Variants in HERC1 observed in about 807,000 individuals in gnomAD.
The protein encoded by HERC1 is HECT and RLD domain containing E3 ubiquitin protein ligase family member 1.
A neutral mutation model predicts 554.3 loss-of-function variants in HERC1; 160 were observed. The observed-to-expected ratio is 0.29, with a 90% CI of 0.25 to 0.33. HERC1 has a LOEUF of 0.33. HERC1 is among the 10% of genes least tolerant of loss of function. The pLI, the probability that HERC1 is intolerant of heterozygous loss-of-function variation, is 1.00. For synonymous variants in HERC1, 2,175 were observed against 2,131.7 expected (o/e 1.02, Z -0.56); for missense variants, 4,919 against 5,918.5 (o/e 0.83, Z 5.54).
chr15:63,677,663 A>C lies in HERC1; in HGVS notation c.7070+182T>G, dbSNP rs549056002. On this transcript the variant is annotated intron_variant, in intron 37 of 77. Transcript: ENST00000443617. This position sits in a 1 kb window ranked among gnomAD's most constrained non-coding sequence, Gnocchi z 4.4. The stretch of plus-strand genomic sequence containing the variant: ...TTTAAAACCCACTAGTATTTCAAAG[A>C]ACATGGGTTTAGGAAATTCTCCTTT... Among the ~76,000 whole-genome samples, 25 of 152,376 alleles carry C rather than the reference A, an allele frequency of 1.6e-4. No homozygotes were observed. Among genetic ancestry groups the C allele is most frequent in the African/African-American group, 5.8e-4 (24 of 41,584 alleles).
At chr15:63,622,613 G>GTT (rs2068130850) in intron 74 of HERC1, among the ~76,000 whole-genome samples, 2 of 152,248 alleles carry the variant, frequency 1.3e-5, no homozygotes, top group African/African-American at 4.8e-5. Flanking sequence ...AATTACAGGC[G>GTT]TAAGCCACCA....
intron 2 of HERC1, among the ~76,000 whole-genome samples, chr15:63,771,080 T>TA (rs2075939290): frequency 6.6e-6 from 1 of 151,552 alleles, no homozygotes; most frequent in African/African-American, 2.4e-5. Flanking sequence ...ACCCAGCTAC[T>TA]GGGGAGGCTG....
intron 47 of HERC1, among the ~76,000 whole-genome samples, chr15:63,659,414 C>G (rs1009827970): frequency 6.6e-6 from 1 of 152,014 alleles, no homozygotes; most frequent in African/African-American, 2.4e-5. Context: ...ACCCACCCAG[C>G]TACTTTTCTT....
chr15:63,813,667 T>C (rs1175314875), intron 1 of HERC1, among the ~76,000 whole-genome samples: 1 of 152,308 alleles, frequency 6.6e-6, no homozygotes, highest in Middle Eastern at 3.4e-3. Context: ...AAACTATCCA[T>C]CCCAGTTTGC....
chr15:63,680,279 A>G lies in HERC1; in HGVS notation c.6466-119T>C, dbSNP rs2071411059. On this transcript the variant is annotated intron_variant, in intron 35 of 77. Coordinates refer to ENST00000443617, the MANE Select transcript of HERC1 (RefSeq NM_003922.4). The surrounding 1 kb of genome is among the most constrained non-coding windows in gnomAD (Gnocchi z 5.8). ...GACAGAACAAAAGTTACTAGATCAA[A>G]TTCTCAATTAACCTTGCTAACCGAG... 1 of 792,306 alleles carries G rather than the reference A, an allele frequency of 1.3e-6. No homozygotes were observed. Among genetic ancestry groups the G allele is most frequent in the South Asian group, 1.8e-5 (1 of 55,772 alleles). 49.1% of individuals were successfully genotyped at this position (792,306 alleles called of 1,614,324 possible).
rs758696768 is a variant in HERC1, at chr15:63,655,904, T to G, written c.9922A>C (p.Ile3308Leu). 9 of 1,612,988 alleles carry G rather than the reference T, an allele frequency of 5.6e-6. No individual in the cohort carries two copies. Among genetic ancestry groups the G allele is most frequent in the Non-Finnish European group, 7.6e-6 (9 of 1,179,576 alleles). The stretch of plus-strand genomic sequence containing the variant: ...AAGCTGGGTAGAAACTTTCGCTGAA[T>G]TGAGTCATCAACTGTGGTTAGATTT... ...GVNLTTVDDS[I>L]QRKFLPSFLR... The change falls in exon 50 of 78, where the codon ATT (isoleucine) becomes CTT (leucine). Residue 3308 changes from isoleucine (I) to leucine (L), a missense_variant. Ile to Leu is a conservative substitution (Grantham distance 5). This residue lies in a region of HERC1 where 1,963 missense variants were observed against 2,228.6 expected (regional missense o/e 0.88). Coordinates refer to ENST00000443617, the MANE Select transcript of HERC1 (RefSeq NM_003922.4).
chr15:63,735,965 A>G (rs1484626304), intron 12 of HERC1, among the ~76,000 whole-genome samples: 1 of 152,224 alleles, frequency 6.6e-6, no homozygotes, highest in African/African-American at 2.4e-5. Context: ...AAGGTGACTA[A>G]GGATTAAGAA....
intron 2 of HERC1, among the ~76,000 whole-genome samples, chr15:63,768,871 GT>G (rs1003432090): frequency 7.9e-5 from 12 of 152,100 alleles, no homozygotes; most frequent in African/African-American, 2.7e-4. Flanking sequence ...GCTTAGCACA[GT>G]TCCCACTACA....
intron 2 of HERC1, among the ~76,000 whole-genome samples, chr15:63,766,653 A>G (rs1220289695): frequency 6.6e-6 from 1 of 152,242 alleles, no homozygotes; most frequent in African/African-American, 2.4e-5. Context: ...AAGTTTCGTA[A>G]TACATTAAAG....
At chr15:63,667,030 T>C (rs937717605) in intron 40 of HERC1, among the ~76,000 whole-genome samples, 2 of 152,272 alleles carry the variant, frequency 1.3e-5, no homozygotes, top group African/African-American at 4.8e-5. Context: ...GTCTAGTGTT[T>C]CTAAGCACAA....
At chr15:63,764,975 T>C (rs895916707) in intron 2 of HERC1, among the ~76,000 whole-genome samples, 1 of 152,122 alleles carries the variant, frequency 6.6e-6, no homozygotes, top group Non-Finnish European at 1.5e-5. Context: ...TGGCAAAGAT[T>C]ATTGCTGTGA....
intron 2 of HERC1, among the ~76,000 whole-genome samples, chr15:63,772,348 C>G (rs1031940768): frequency 1.3e-5 from 2 of 151,984 alleles, no homozygotes; most frequent in Non-Finnish European, 2.9e-5. Flanking sequence ...TTCAAACACA[C>G]CATTGGCAAA....
chr15:63,722,491 C>T (rs759334615), intron 19 of HERC1, among the ~76,000 whole-genome samples: 3 of 152,318 alleles, frequency 2.0e-5, no homozygotes, highest in African/African-American at 4.8e-5. Context: ...CAGTTACTTG[C>T]GATCAACTGT....
Position 63,754,501 on chromosome 15 carries a change from A to G in HERC1, c.1774+4T>C, listed in dbSNP as rs200643599. 1.8e-5 allele frequency: 28 copies of G among 1,563,346 alleles called. No individual in the cohort carries two copies. The East Asian group carries it at 5.4e-4, about 30-fold the overall frequency. The stretch of plus-strand genomic sequence containing the variant: ...AAGCTACTGATAAATAATTTTTTAC[A>G]TACCATTGTCTCCTCCTCCAAAAGA... On this transcript the variant is annotated splice_donor_region_variant and intron_variant, in intron 7 of 77. Coordinates refer to ENST00000443617, the MANE Select transcript of HERC1 (RefSeq NM_003922.4).
rs1211544303 is a variant in HERC1, at chr15:63,628,938, T to A, written c.12967-123A>T. 3 of 854,318 alleles carry A rather than the reference T, an allele frequency of 3.5e-6. 1 individual carries two copies. The highest frequency in any genetic ancestry group is 3.4e-5 in the South Asian group (2 of 59,074). 52.9% of individuals were successfully genotyped at this position (854,318 alleles called of 1,614,324 possible). A position where few individuals can be genotyped will look rare whatever the true frequency, so the allele number is the denominator to read the frequency against. On this transcript the variant is annotated intron_variant, in intron 69 of 77. Coordinates refer to ENST00000443617, the MANE Select transcript of HERC1 (RefSeq NM_003922.4). ...TTAATAACTGTACCATGCATCAGCA[T>A]CAATAAAACACATTCTTTTTTTTTT... is the stretch of plus-strand genomic sequence containing the variant.
At chr15:63,656,032 CAAGAATCAGTCAG>C in intron 49 of HERC1, 43 bp downstream of exon 49, 2 of 1,598,960 alleles carry the variant, frequency 1.3e-6, no homozygotes, top group Non-Finnish European at 1.7e-6. Context: ...TCAAAAGGCT[CAAGAATCAGTCAG>C]AAATAATCAA....
rs780016545 is a variant in HERC1 at position 63,615,814 on chromosome 15, T to C, written c.14048A>G (p.Tyr4683Cys). The C allele has an allele frequency of 6.2e-7, 1 of 1,608,898 alleles. No homozygotes were observed. Among genetic ancestry groups the C allele is most frequent in the Non-Finnish European group, 8.5e-7 (1 of 1,178,346 alleles). The change falls in exon 76 of 78, where the codon TAT (tyrosine) becomes TGT (cysteine). Residue 4683 changes from tyrosine to cysteine, a missense_variant. By Grantham distance (194) the Tyr-to-Cys change is radical. Coordinates refer to ENST00000443617, the MANE Select transcript of HERC1 (RefSeq NM_003922.4). Reference sequence around the variant, plus strand: ...TCGATATTCAATGGCCCTCTCCACATATTCCTTCCTGTTGGAAAATGTGAG... The same window carrying C: ...TCGATATTCAATGGCCCTCTCCACACATTCCTTCCTGTTGGAAAATGTGAG... Reference protein sequence around the residue: ...IPLTFSNRKEYVERAIEYRLH... With the variant: ...IPLTFSNRKECVERAIEYRLH...
chr15:63,813,049 A>C lies in HERC1; in HGVS notation c.-27+20778T>G, dbSNP rs148943963. Among the ~76,000 whole-genome samples the C allele has an allele frequency of 3.0e-3, 452 of 152,330 alleles. 5 individuals carry two copies. The highest frequency in any genetic ancestry group is 0.011 in the African/African-American group (437 of 41,574). On this transcript the variant is annotated intron_variant, in intron 1 of 77. Transcript: ENST00000443617. Reference sequence around the variant, plus strand: ...CACACCTTACCATCAACTTACAATCAACGATATTGAGATACATAAATGAAA... The same window carrying C: ...CACACCTTACCATCAACTTACAATCCACGATATTGAGATACATAAATGAAA...
chr15:63,709,294 G>C (rs1025792855), intron 24 of HERC1, among the ~76,000 whole-genome samples: 1 of 152,094 alleles, frequency 6.6e-6, no homozygotes, highest in Non-Finnish European at 1.5e-5. Flanking sequence ...ACAGGCATGA[G>C]CCACTGCGCC....
Sources: allele counts gnomAD v4.1 joint callset (sites outside exome capture counted in the v4.1 genomes callset), GRCh38; gene constraint gnomAD v4.1.1; regional missense constraint gnomAD v4.1.1; non-coding constraint Gnocchi (gnomAD v3.1); transcripts MANE v1.5; gene names NCBI Gene and HGNC (gene_info 2026-07-23, HGNC 2026-07-21).